Variants in KLHL29 observed in about 807,000 individuals in gnomAD.
KLHL29 encodes the protein kelch-like protein 29.
A neutral mutation model predicts 80.4 loss-of-function variants in KLHL29; 21 were observed. The observed-to-expected ratio is 0.26, with a 90% CI of 0.19 to 0.38. The LOEUF is 0.38. Among genes scored for constraint, KLHL29 ranks in the 10% least tolerant of loss-of-function variants. The probability of loss-of-function intolerance (pLI) is 1.00; values close to 1 mark genes in which losing one functional copy is unlikely to be tolerated. For missense variants in KLHL29, 867 were observed against 1,223.9 expected (o/e 0.71, Z 4.35); for synonymous variants, 511 against 526.8 (o/e 0.97, Z 0.41).
rs1572481162 is a variant in KLHL29, at chr2:23,669,312, A to G, written c.941-15087A>G. ...TCAGCAGAGTGCTGAGCCAAGTGTG[A>G]TGGGACCACAGAGTGGCAGCTGATC... On this transcript the variant is annotated intron_variant, in intron 5 of 13. Transcript: ENST00000486442. The surrounding 1 kb of genome is among the most constrained non-coding windows in gnomAD (Gnocchi z 4.3). 6.6e-6 allele frequency: 1 copy of G among 152,190 alleles called. No individual in the cohort carries two copies. The highest frequency in any genetic ancestry group is 1.5e-5 in the Non-Finnish European group (1 of 68,032). 9.4% of individuals were successfully genotyped at this position (152,190 alleles called of 1,614,324 possible).
At chr2:23,623,507 T>C (rs1437407309) in intron 3 of KLHL29, among the ~76,000 whole-genome samples, 1 of 152,196 alleles carries the variant, frequency 6.6e-6, no homozygotes, top group Non-Finnish European at 1.5e-5. Flanking sequence ...TGGAGGCTGA[T>C]TTAGGAAAAT....
At chr2:23,610,825 G>T (rs571612399) in intron 3 of KLHL29, among the ~76,000 whole-genome samples, 9 of 152,362 alleles carry the variant, frequency 5.9e-5, no homozygotes, top group Admixed American at 1.3e-4. Context: ...AGTTCATGTT[G>T]TTGGATAAAT....
At chr2:23,510,418 C>A (rs1388799036) in intron 2 of KLHL29, among the ~76,000 whole-genome samples, 1 of 152,184 alleles carries the variant, frequency 6.6e-6, no homozygotes, top group Non-Finnish European at 1.5e-5. Context: ...CCTTCTATGG[C>A]CTGCTGTGTG....
intron 1 of KLHL29, among the ~76,000 whole-genome samples, chr2:23,422,589 G>A (rs1324887701): frequency 2.0e-5 from 3 of 151,324 alleles, no homozygotes; most frequent in African/African-American, 7.3e-5. Context: ...CTGTGTGTCT[G>A]TGTCTCTGTG....
intron 1 of KLHL29, among the ~76,000 whole-genome samples, chr2:23,399,027 T>C (rs1666524912): frequency 6.6e-6 from 1 of 152,228 alleles, no homozygotes; most frequent in Non-Finnish European, 1.5e-5. Context: ...AAAGAAGGCA[T>C]GAAGATTATG....
intron 2 of KLHL29, among the ~76,000 whole-genome samples, chr2:23,489,818 G>A (rs902541592): frequency 1.3e-5 from 2 of 152,122 alleles, no homozygotes; most frequent in Non-Finnish European, 2.9e-5. Flanking sequence ...GGTGGGGTGG[G>A]CGGTACCCAC....
chr2:23,438,963 T>A (rs1663428792), intron 1 of KLHL29, among the ~76,000 whole-genome samples: 1 of 146,686 alleles, frequency 6.8e-6, no homozygotes, highest in African/African-American at 2.6e-5. Flanking sequence ...GTAGGTAAGC[T>A]ATTGATTATT....
chr2:23,622,362 T>C (rs533286229), intron 3 of KLHL29, among the ~76,000 whole-genome samples: 1 of 152,292 alleles, frequency 6.6e-6, no homozygotes, highest in East Asian at 1.9e-4. Context: ...AAGGCCAGGA[T>C]AGGCCACCAC....
At chr2:23,662,670 G>A (rs1670444641) in intron 5 of KLHL29, among the ~76,000 whole-genome samples, 1 of 152,110 alleles carries the variant, frequency 6.6e-6, no homozygotes, top group Non-Finnish European at 1.5e-5. Context: ...TTTTGCCTTG[G>A]CTCCTCCAAG....
At chr2:23,393,127 G>A (rs1297335500) in intron 1 of KLHL29, among the ~76,000 whole-genome samples, 1 of 152,188 alleles carries the variant, frequency 6.6e-6, no homozygotes, top group Non-Finnish European at 1.5e-5. Flanking sequence ...GCTTGTTCAT[G>A]TTTGCATACC....
chr2:23,492,010 T>C (rs1665117821), intron 2 of KLHL29, among the ~76,000 whole-genome samples: 1 of 152,190 alleles, frequency 6.6e-6, no homozygotes, highest in Non-Finnish European at 1.5e-5. Context: ...AACTGGCACC[T>C]GAGCAACCAC....
At chr2:23,643,323 G>A (rs1212151497) in intron 5 of KLHL29, 6 of 301,012 alleles carry the variant, frequency 2.0e-5, no homozygotes, top group East Asian at 7.9e-5. Context: ...TCGTGCCATC[G>A]GATGAGAGCA....
At chr2:23,467,726 T>C (rs2103432748) in intron 1 of KLHL29, among the ~76,000 whole-genome samples, 1 of 152,276 alleles carries the variant, frequency 6.6e-6, no homozygotes. Context: ...TTGATTTTGG[T>C]TTACCAATCG....
chr2:23,486,294 G>T (rs1031753496), intron 2 of KLHL29, among the ~76,000 whole-genome samples: 1 of 152,168 alleles, frequency 6.6e-6, no homozygotes, highest in Non-Finnish European at 1.5e-5. Context: ...CTCCTGATCA[G>T]CACACAGTGT....
chr2:23,387,300 G>A (rs1387762148), intron 1 of KLHL29, among the ~76,000 whole-genome samples: 2 of 152,186 alleles, frequency 1.3e-5, no homozygotes, highest in African/African-American at 4.8e-5. Context: ...GCTGGGATTC[G>A]GACTCCTCTT....
intron 5 of KLHL29, among the ~76,000 whole-genome samples, chr2:23,665,269 G>C (rs1558430517): frequency 6.6e-6 from 1 of 152,216 alleles, no homozygotes; most frequent in African/African-American, 2.4e-5. Flanking sequence ...TTGCCACCAG[G>C]GGCGCAGGGC....
chr2:23,445,977 T>G lies in KLHL29; in HGVS notation c.-153-29583T>G, dbSNP rs190095674. On this transcript the variant is annotated intron_variant, in intron 1 of 13. Coordinates refer to ENST00000486442, the MANE Select transcript of KLHL29 (RefSeq NM_052920.2). The stretch of plus-strand genomic sequence containing the variant: ...TCAGAGAATTTCTAAATTAGAGAGA[T>G]TAAGCCTTTTTCTCTAAATTGCAAA... Among the ~76,000 whole-genome samples the G allele has an allele frequency of 1.8e-3, 280 of 152,368 alleles. 1 individual carries two copies. The highest frequency in any genetic ancestry group is 6.4e-3 in the African/African-American group (267 of 41,594).
At chr2:23,698,753 G>C (rs1388436256) in intron 11 of KLHL29, among the ~76,000 whole-genome samples, 1 of 152,150 alleles carries the variant, frequency 6.6e-6, no homozygotes, top group African/African-American at 2.4e-5. Context: ...CACTCGGCAG[G>C]GTCATTTGCA....
At chr2:23,389,816 CTG>C (rs1208607077) in intron 1 of KLHL29, among the ~76,000 whole-genome samples, 1 of 152,158 alleles carries the variant, frequency 6.6e-6, no homozygotes, top group Non-Finnish European at 1.5e-5. Flanking sequence ...GGTAGAATAT[CTG>C]TAGTTTGTGT....
Sources: gnomAD v4.1 joint callset for allele counts (sites outside exome capture counted in the v4.1 genomes callset) on GRCh38, gnomAD v4.1.1 for gene constraint, Gnocchi (gnomAD v3.1) non-coding constraint, MANE v1.5 for transcripts, NCBI Gene and HGNC (gene_info 2026-07-23, HGNC 2026-07-21) for gene names.